Variants in PAK1 observed in about 807,000 individuals in gnomAD.
The protein encoded by PAK1 is serine/threonine-protein kinase PAK 1.
A neutral mutation model predicts 67.4 loss-of-function variants in PAK1; 29 were observed. That is an observed-to-expected ratio of 0.43 (90% confidence interval 0.32 to 0.59). The LOEUF (loss-of-function observed/expected upper bound fraction) is 0.59, where lower values mean the gene tolerates loss of function less well. Ranked by LOEUF, PAK1 falls within the 20% of genes least tolerant of loss-of-function variation. The probability of loss-of-function intolerance (pLI) is 0.07; values close to 1 mark genes in which losing one functional copy is unlikely to be tolerated. For synonymous variants in PAK1, 223 were observed against 237.4 expected, an observed-to-expected ratio of 0.94 and a Z score of 0.56; for missense variants, 337 against 670.7, an observed-to-expected ratio of 0.50 and a Z score of 5.50.
chr11:77,369,098 A>G (rs1301582136), intron 5 of PAK1, among the ~76,000 whole-genome samples: 1 of 152,134 alleles, frequency 6.6e-6, no homozygotes, highest in Non-Finnish European at 1.5e-5. Flanking sequence ...TGTTTTTTCC[A>G]CTATTTCTAA....
At chr11:77,347,963 A>T (rs1228417875) in intron 9 of PAK1, among the ~76,000 whole-genome samples, 2 of 150,320 alleles carry the variant, frequency 1.3e-5, no homozygotes, top group African/African-American at 4.8e-5. Context: ...ATAAGCATCT[A>T]GGTCTTTGGA....
At chr11:77,364,850 T>C (rs1237044913) in intron 5 of PAK1, among the ~76,000 whole-genome samples, 1 of 152,154 alleles carries the variant, frequency 6.6e-6, no homozygotes, top group Non-Finnish European at 1.5e-5. Flanking sequence ...AGACATTACT[T>C]CAAATGAACC....
chr11:77,415,881 T>C (rs543609376), intron 1 of PAK1, among the ~76,000 whole-genome samples: 1 of 152,188 alleles, frequency 6.6e-6, no homozygotes, highest in South Asian at 2.1e-4. Context: ...ATTTTGACTC[T>C]ATTGCATTAA....
the PAK1 span, among the ~76,000 whole-genome samples, chr11:77,525,852 T>TA: frequency 6.6e-6 from 1 of 152,230 alleles, no homozygotes; most frequent in Non-Finnish European, 1.5e-5. Context: ...TTGTCCTTTC[T>TA]AAAAGTCACT....
the PAK1 span, among the ~76,000 whole-genome samples, chr11:77,499,838 G>A: frequency 1.4e-4 from 22 of 152,134 alleles, no homozygotes; most frequent in African/African-American, 4.3e-4. Flanking sequence ...TAGACTTTCC[G>A]GCATTTTGGC....
intron 8 of PAK1, among the ~76,000 whole-genome samples, chr11:77,350,173 T>C (rs887719863): frequency 1.3e-5 from 2 of 152,216 alleles, no homozygotes; most frequent in African/African-American, 4.8e-5. Context: ...ATTTATTCCA[T>C]CAACAGGATA....
At chr11:77,414,718 T>C (rs1360468753) in intron 1 of PAK1, among the ~76,000 whole-genome samples, 1 of 152,204 alleles carries the variant, frequency 6.6e-6, no homozygotes, top group East Asian at 1.9e-4. Flanking sequence ...GACACAGGCT[T>C]TATGCTTTTC....
At chr11:77,457,143 G>T (rs933453441) in intron 1 of PAK1, among the ~76,000 whole-genome samples, 6 of 152,178 alleles carry the variant, frequency 3.9e-5, no homozygotes, top group African/African-American at 1.4e-4. Context: ...AAATGGCAGG[G>T]CCACAGGATT....
intron 7 of PAK1, among the ~76,000 whole-genome samples, chr11:77,355,015 T>C (rs577344586): frequency 6.6e-6 from 1 of 152,298 alleles, no homozygotes; most frequent in South Asian, 2.1e-4. Context: ...CAGTATGCTC[T>C]ACTTACAGGA....
chr11:77,380,274 G>A (rs985710516), intron 2 of PAK1, among the ~76,000 whole-genome samples: 28 of 152,254 alleles, frequency 1.8e-4, no homozygotes, highest in Middle Eastern at 3.4e-3. Flanking sequence ...CAGGCAGATT[G>A]CTTGAGTCCA....
intron 1 of PAK1, among the ~76,000 whole-genome samples, chr11:77,466,362 G>T (rs1957594464): frequency 6.6e-6 from 1 of 152,174 alleles, no homozygotes; most frequent in Admixed American, 6.5e-5. Context: ...CCAGCACTTT[G>T]GGAGGCAGAA....
chr11:77,394,309 G>T (rs1951554947), intron 1 of PAK1, among the ~76,000 whole-genome samples: 1 of 152,124 alleles, frequency 6.6e-6, no homozygotes, highest in African/African-American at 2.4e-5. Flanking sequence ...CATAAATTTT[G>T]ATTTAGAACG....
At chr11:77,451,423 C>A (rs1335428176) in intron 1 of PAK1, among the ~76,000 whole-genome samples, 1 of 152,146 alleles carries the variant, frequency 6.6e-6, no homozygotes. Context: ...TACATCATAC[C>A]GCCTTTGTCC....
intron 7 of PAK1, among the ~76,000 whole-genome samples, chr11:77,355,001 G>A (rs1945808843): frequency 6.6e-6 from 1 of 152,114 alleles, no homozygotes; most frequent in African/African-American, 2.4e-5. Flanking sequence ...TTGACAGCAA[G>A]AGGCAGTATG....
chr11:77,391,312 T>C (rs1285656679), intron 2 of PAK1, among the ~76,000 whole-genome samples: 2 of 152,214 alleles, frequency 1.3e-5, no homozygotes, highest in Non-Finnish European at 2.9e-5. Flanking sequence ...AACATTCAAA[T>C]ACCTTCTGTG....
At chr11:77,330,770 C>T (rs998407724) in intron 14 of PAK1, among the ~76,000 whole-genome samples, 1 of 151,982 alleles carries the variant, frequency 6.6e-6, no homozygotes, top group Non-Finnish European at 1.5e-5. Context: ...GCAACAAAAG[C>T]CAAAATTGAC....
intron 2 of PAK1, among the ~76,000 whole-genome samples, chr11:77,391,907 T>C (rs1346493564): frequency 6.6e-6 from 1 of 152,046 alleles, no homozygotes; most frequent in Non-Finnish European, 1.5e-5. Flanking sequence ...TCCCCAAACC[T>C]GAAAGTGGGA....
intron 1 of PAK1, among the ~76,000 whole-genome samples, chr11:77,469,922 A>C (rs935260992): frequency 6.6e-6 from 1 of 152,026 alleles, no homozygotes; most frequent in Non-Finnish European, 1.5e-5. Flanking sequence ...CATATTCATC[A>C]CTCCAAACAT....
At chr11:77,482,254 G>T in the PAK1 span, among the ~76,000 whole-genome samples, 19 of 136,662 alleles carry the variant, frequency 1.4e-4, no homozygotes, top group African/African-American at 4.7e-4. Flanking sequence ...TTCCCAAAGT[G>T]CTGGGATTAC....
Sources: gnomAD v4.1 joint callset for allele counts (sites outside exome capture counted in the v4.1 genomes callset) on GRCh38, gnomAD v4.1.1 for gene constraint, MANE v1.5 for transcripts, NCBI Gene and HGNC (gene_info 2026-07-23, HGNC 2026-07-21) for gene names.